The following RBFOX1 variants were observed in gnomAD, a reference collection of about 807,000 sequenced individuals.
The protein encoded by RBFOX1 is RNA binding protein fox-1 homolog 1.
In RBFOX1, 8 loss-of-function variants were observed where a neutral mutation model predicts 57.7. The ratio of observed to expected loss-of-function variants is 0.14; its 90% CI spans 0.08 to 0.25. The LOEUF (loss-of-function observed/expected upper bound fraction) is 0.25, where lower values mean the gene tolerates loss of function less well. RBFOX1 is among the 10% of genes least tolerant of loss of function. RBFOX1 has a pLI of 1.00. For missense variants in RBFOX1, 611 were observed against 548.5 expected (o/e 1.11, Z -1.14); for synonymous variants, 326 against 222.4 (o/e 1.47, Z -4.15).
chr16:6,696,817 C>G (rs867755028), intron 3 of RBFOX1, among the ~76,000 whole-genome samples: 3 of 152,118 alleles, frequency 2.0e-5, no homozygotes, highest in Non-Finnish European at 4.4e-5. Flanking sequence ...AGTAGAATAA[C>G]ATTTACATTG....
At chr16:6,169,339 G>A (rs1212281195) in intron 1 of RBFOX1, among the ~76,000 whole-genome samples, 1 of 152,092 alleles carries the variant, frequency 6.6e-6, no homozygotes. Context: ...AAGACGAGAA[G>A]GAGTGGAGAG....
chr16:5,641,346 G>C (rs1056547461), intron 3 of RBFOX1, among the ~76,000 whole-genome samples: 1 of 152,238 alleles, frequency 6.6e-6, no homozygotes, highest in Non-Finnish European at 1.5e-5. Flanking sequence ...ATTCTAGCAA[G>C]GAAAATTATG....
chr16:5,831,207 T>G (rs2056258923), intron 3 of RBFOX1, among the ~76,000 whole-genome samples: 1 of 152,076 alleles, frequency 6.6e-6, no homozygotes, highest in Admixed American at 6.6e-5. Flanking sequence ...TGGGAACTGT[T>G]TGGATCATGG....
intron 4 of RBFOX1, among the ~76,000 whole-genome samples, chr16:7,328,993 T>A (rs2096649247): frequency 6.6e-6 from 1 of 152,170 alleles, no homozygotes; most frequent in South Asian, 2.1e-4. Context: ...TAATATTTTG[T>A]GACCTGTAAA....
chr16:7,578,754 C>G (rs1291489128), intron 5 of RBFOX1, among the ~76,000 whole-genome samples: 1 of 142,790 alleles, frequency 7.0e-6, no homozygotes, highest in African/African-American at 2.6e-5. Context: ...TTACTGCCAG[C>G]TGGAGGCAAT....
intron 1 of RBFOX1, among the ~76,000 whole-genome samples, chr16:6,167,625 C>G (rs184282324): frequency 1.3e-5 from 2 of 152,304 alleles, no homozygotes; most frequent in East Asian, 1.9e-4. Context: ...AAAGAAAGAG[C>G]TTGCTCAAAT....
intron 4 of RBFOX1, among the ~76,000 whole-genome samples, chr16:7,194,676 C>A (rs141397520): frequency 4.6e-5 from 7 of 152,008 alleles, no homozygotes; most frequent in Non-Finnish European, 7.4e-5. Context: ...GTCTGTAATC[C>A]CAGCAATTTT....
intron 1 of RBFOX1, among the ~76,000 whole-genome samples, chr16:6,202,950 T>C (rs2097224977): frequency 2.0e-5 from 3 of 151,918 alleles, no homozygotes; most frequent in African/African-American, 7.2e-5. Context: ...TTTTTCATAT[T>C]TTTTTGTAGA....
intron 3 of RBFOX1, among the ~76,000 whole-genome samples, chr16:5,833,306 A>G (rs961930337): frequency 1.3e-5 from 2 of 152,060 alleles, no homozygotes; most frequent in African/African-American, 4.8e-5. Flanking sequence ...ATCCTGGCTA[A>G]CACGGTGAAA....
At chr16:7,394,980 G>A (rs551119239) in intron 4 of RBFOX1, among the ~76,000 whole-genome samples, 2 of 152,202 alleles carry the variant, frequency 1.3e-5, no homozygotes, top group South Asian at 4.1e-4. Context: ...GTGTGAGCCT[G>A]TGTACGTGCT....
chr16:5,728,097 C>G (rs9932920), intron 3 of RBFOX1, among the ~76,000 whole-genome samples: 62,859 of 152,134 alleles, frequency 0.41, 15,607 homozygotes, highest in East Asian at 0.8. Flanking sequence ...AGCAATCCCA[C>G]TTACGAGTGG....
At chr16:5,824,131 T>C (rs1359486029) in intron 3 of RBFOX1, among the ~76,000 whole-genome samples, 2 of 152,200 alleles carry the variant, frequency 1.3e-5, no homozygotes, top group African/African-American at 4.8e-5. Context: ...CTAGAAGAAG[T>C]GCTCTTATCC....
At chr16:5,982,970 A>G (rs1166412904) in intron 4 of RBFOX1, among the ~76,000 whole-genome samples, 1 of 152,208 alleles carries the variant, frequency 6.6e-6, no homozygotes, top group Non-Finnish European at 1.5e-5. Context: ...ACCATTGTCC[A>G]GTTACCACTC....
chr16:5,792,672 GTC>G (rs1364674655), intron 3 of RBFOX1, among the ~76,000 whole-genome samples: 1 of 151,996 alleles, frequency 6.6e-6, no homozygotes, highest in East Asian at 1.9e-4. Context: ...CTGAAACCCC[GTC>G]TCTACTAAAA....
At chr16:6,014,600 C>G (rs545943883), upstream of RBFOX1, among the ~76,000 whole-genome samples, 10 of 152,256 alleles carry the variant, frequency 6.6e-5, no homozygotes, top group South Asian at 2.1e-4. Flanking sequence ...AAGGTGCAAT[C>G]CATTCCCCTG....
chr16:6,179,874 C>T (rs905061169), intron 1 of RBFOX1, among the ~76,000 whole-genome samples: 1 of 152,142 alleles, frequency 6.6e-6, no homozygotes, highest in African/African-American at 2.4e-5. Flanking sequence ...TGTAGATGCC[C>T]TTTATAAAGT....
chr16:7,284,204 T>G (rs1442150442), intron 4 of RBFOX1, among the ~76,000 whole-genome samples: 1 of 152,232 alleles, frequency 6.6e-6, no homozygotes, highest in Non-Finnish European at 1.5e-5. Context: ...TGTTTCCAGT[T>G]TTTGCTGATT....
intron 4 of RBFOX1, among the ~76,000 whole-genome samples, chr16:7,105,479 C>T (rs1039817511): frequency 6.6e-6 from 1 of 152,076 alleles, no homozygotes; most frequent in Admixed American, 6.6e-5. Context: ...CCTTACTGCA[C>T]TTCCACCCTT....
chr16:6,917,848 G>C (rs1021943966), intron 3 of RBFOX1, among the ~76,000 whole-genome samples: 1 of 152,252 alleles, frequency 6.6e-6, no homozygotes, highest in East Asian at 1.9e-4. Context: ...ATCATCCTTT[G>C]TCAGAAATCC....
Sources: allele counts gnomAD v4.1 joint callset (sites outside exome capture counted in the v4.1 genomes callset), GRCh38; gene constraint gnomAD v4.1.1; transcripts MANE v1.5; gene names NCBI Gene and HGNC (gene_info 2026-07-23, HGNC 2026-07-21).